FDXACB1: variants seen among roughly 807,000 people sequenced by gnomAD.
The protein encoded by FDXACB1 is ferredoxin-fold anticodon-binding domain-containing protein 1.
FDXACB1 carries 41 observed loss-of-function variants against 51.7 expected under a neutral mutation model. The ratio of observed to expected loss-of-function variants is 0.79; its 90% CI spans 0.62 to 1.03. The LOEUF (loss-of-function observed/expected upper bound fraction) is 1.03. Ranked by LOEUF, FDXACB1 falls within the 50% of genes least tolerant of loss-of-function variation. The pLI is 0.00. For synonymous variants in FDXACB1, 273 were observed against 278.6 expected (o/e 0.98, Z 0.20); for missense variants, 697 against 746.4 (o/e 0.93, Z 0.77).
chr11:111,876,148 T>C (rs1345003811), intron 4 of FDXACB1, 44 bp from the exon 5 acceptor site: 2 of 1,382,468 alleles, frequency 1.4e-6, no homozygotes, highest in Non-Finnish European at 2.0e-6. Context: ...CTTAAGATAG[T>C]AAATAATTAT....
chr11:111,876,160 A>C (rs2137345386), intron 4 of FDXACB1, 56 bp from the exon 5 acceptor site: 1 of 1,326,014 alleles, frequency 7.5e-7, no homozygotes, highest in East Asian at 2.3e-5. Context: ...AATAATTATA[A>C]TGTAGCTAGA....
intron 2 of FDXACB1, among the ~76,000 whole-genome samples, chr11:111,878,086 C>G (rs1964858046): frequency 6.6e-6 from 1 of 152,000 alleles, no homozygotes; most frequent in Non-Finnish European, 1.5e-5. Flanking sequence ...ACTTGGGAGG[C>G]TGAGGCAGGA....
intron 3 of FDXACB1, 70 bp downstream of exon 3, chr11:111,876,738 C>T (rs1964824276): frequency 8.8e-6 from 14 of 1,592,088 alleles, no homozygotes; most frequent in Non-Finnish European, 1.0e-5. Flanking sequence ...TTGAGTCTGT[C>T]TATGAGATTT....
chr11:111,876,588 G>C lies in FDXACB1; in HGVS notation c.585C>G (p.Thr195=). ...HVEGALNHIF[T]RSLPFEGSQP... ...GAGAACCTTCAAAAGGTAAGCTCCT[G>C]GTGAAGATATGGTTCAAAGCACCTT... The change falls in exon 4 of 5, where the codon ACC becomes ACG. Residue 195 remains threonine (T), a synonymous_variant. Transcript: ENST00000260257. The C allele has an allele frequency of 6.2e-7, 1 of 1,613,966 alleles. No homozygotes were observed. The highest frequency in any genetic ancestry group is 1.1e-5 in the South Asian group (1 of 91,076).
intron 4 of FDXACB1, 34 bp downstream of exon 4, chr11:111,876,447 G>T (rs1555162154): frequency 1.2e-6 from 2 of 1,605,312 alleles, no homozygotes; most frequent in African/African-American, 2.7e-5. Context: ...TACAACTGGA[G>T]ATGGAAGTGA....
In FDXACB1 at chr11:111,878,545, C is replaced by A; in HGVS notation, c.329+11G>T. On this transcript the variant is annotated intron_variant, in intron 2 of 4. Coordinates refer to ENST00000260257, the MANE Select transcript of FDXACB1 (RefSeq NM_138378.3). ...TAAACATTTTCCTTGTGAGGGCGCT[C>A]CTTTCCTCACCTTTGGAAAAATTTG... is the stretch of plus-strand genomic sequence containing the variant. The A allele has an allele frequency of 6.3e-7, 1 of 1,575,870 alleles. No homozygotes were observed.
chr11:111,878,679 T>C lies in FDXACB1; in HGVS notation c.206A>G (p.Gln69Arg). The change falls in exon 2 of 5, where the codon CAG becomes CGG. Residue 69 changes from glutamine (Q) to arginine (R), a missense_variant. Physicochemically the swap from Gln to Arg is conservative, Grantham distance 43. This residue lies in a region of FDXACB1 where 153 missense variants were observed against 133.5 expected (regional missense o/e 1.15). Coordinates refer to ENST00000260257, the MANE Select transcript of FDXACB1 (RefSeq NM_138378.3). The part of the protein sequence containing the change: ...IDVRFGVDCT[Q>R]LADVFELHER... ...GTGCAGTTCAAAGACATCTGCCAGC[T>C]GGGTGCAGTCCACACCGAAACGTAC... 2.5e-6 allele frequency: 4 copies of C among 1,612,390 alleles called. No individual in the cohort carries two copies. Among genetic ancestry groups the C allele is most frequent in the Non-Finnish European group, 3.4e-6 (4 of 1,179,192 alleles).
chr11:111,878,649 C>G lies in FDXACB1; in HGVS notation c.236G>C (p.Arg79Thr). ...QLADVFELHE[R>T]EFDQIYFIFP... ...GATGAAATAAATTTGATCAAATTCT[C>G]TCTCGTGCAGTTCAAAGACATCTGC... Residue 79 changes from arginine (R) to threonine (T), a missense_variant, in exon 2 of 5, where the codon AGA becomes ACA. Around this residue, in one of 3 missense-constraint regions of FDXACB1, gnomAD observed 153 missense variants for 133.5 expected, o/e 1.15. Coordinates refer to ENST00000260257, the MANE Select transcript of FDXACB1 (RefSeq NM_138378.3). The G allele has an allele frequency of 1.2e-6, 2 of 1,609,994 alleles. No homozygotes were observed. The highest frequency in any genetic ancestry group is 2.2e-5 in the South Asian group (2 of 90,072).
rs1228382030 is a variant in FDXACB1 at position 111,879,032 on chromosome 11, C to A, written c.101G>T (p.Cys34Phe). 4 of 1,613,612 alleles carry A rather than the reference C, an allele frequency of 2.5e-6. No individual in the cohort carries two copies. The highest frequency in any genetic ancestry group is 1.1e-5 in the South Asian group (1 of 91,056). The change falls in exon 1 of 5, where the codon TGC becomes TTC. Residue 34 changes from cysteine (C) to phenylalanine (F), a missense_variant. Cys to Phe is a radical substitution (Grantham distance 205). Around this residue, in one of 3 missense-constraint regions of FDXACB1, gnomAD observed 153 missense variants for 133.5 expected, o/e 1.15. Transcript: ENST00000260257. ...AGCCAACTCGGCCGGGCGCTGGAGG[C>A]AGGTGGCGGTAAGTTGAGTGCTCTG... ...LDQSTQLTAT[C>F]LQRPAELARD...
chr11:111,878,105 T>G (rs1555162461), intron 2 of FDXACB1, among the ~76,000 whole-genome samples: 10 of 152,134 alleles, frequency 6.6e-5, no homozygotes, highest in Non-Finnish European at 1.5e-5. Flanking sequence ...GAGAATGGCG[T>G]GAACCCAGTA....
At chr11:111,877,227 T>G (rs1433141417) in intron 2 of FDXACB1, among the ~76,000 whole-genome samples, 1 of 152,252 alleles carries the variant, frequency 6.6e-6, no homozygotes, top group Non-Finnish European at 1.5e-5. Context: ...TAAGATTGGC[T>G]GACCAGGGTC....
intron 1 of FDXACB1, 106 bp from the exon 2 acceptor site, chr11:111,878,818 G>A (rs1964880065): frequency 6.0e-6 from 9 of 1,505,954 alleles, no homozygotes; most frequent in Non-Finnish European, 3.6e-6. Flanking sequence ...GCCCAAGTCT[G>A]GGCACAAAGC....
Position 111,879,111 on chromosome 11 carries a change from AC to A in FDXACB1, c.21del (p.Leu8TrpfsTer13). Reference protein sequence around the residue: MAPRRLLLVGEGNFSFA... With the variant: MAPRRLXLVGEGNFSFA... ...AAGGAGAAATTCCCCTCCCCAACCA[AC>A]AGGAGGCGCCGAGGGGCCATGGCCT... On this transcript the variant is annotated frameshift_variant, in exon 1 of 5. Coordinates refer to ENST00000260257, the MANE Select transcript of FDXACB1 (RefSeq NM_138378.3). LOFTEE classifies it high-confidence loss of function. 1 of 1,610,806 alleles carries A rather than the reference AC, an allele frequency of 6.2e-7. No homozygotes were observed. Among genetic ancestry groups the A allele is most frequent in the Non-Finnish European group, 8.5e-7 (1 of 1,178,480 alleles).
Position 111,879,096 on chromosome 11 carries a change from T to G in FDXACB1, c.37A>C (p.Asn13His), listed in dbSNP as rs1405125160. 12 of 1,612,578 alleles carry G rather than the reference T, an allele frequency of 7.4e-6. No individual in the cohort carries two copies. Among genetic ancestry groups the G allele is most frequent in the Non-Finnish European group, 9.3e-6 (11 of 1,179,380 alleles). Residue 13 changes from asparagine (N) to histidine (H), a missense_variant, in exon 1 of 5, where the codon AAT (asparagine) becomes CAT (histidine). Around this residue, in one of 3 missense-constraint regions of FDXACB1, gnomAD observed 153 missense variants for 133.5 expected, o/e 1.15. Transcript: ENST00000260257. Reference sequence around the variant, plus strand: ...CTCAGAGCGGCGGCGAAGGAGAAATTCCCCTCCCCAACCAACAGGAGGCGC... The same window carrying G: ...CTCAGAGCGGCGGCGAAGGAGAAATGCCCCTCCCCAACCAACAGGAGGCGC... ...PRRLLLVGEG[N>H]FSFAAALSET... is the part of the protein sequence containing the mutation.
Position 111,875,118 on chromosome 11 carries a change from C to A in FDXACB1, c.1679G>T (p.Arg560Leu). 6.2e-7 allele frequency: 1 copy of A among 1,613,820 alleles called. No homozygotes were observed. Among genetic ancestry groups the A allele is most frequent in the East Asian group, 2.2e-5 (1 of 44,890 alleles). ...TATAATAGTGTCCTGAGACACTGCT[C>A]GGGCCACAGTGTGAAACTCTAGTTC... ...FDELEFHTVA[R>L]AVSQDTIISI... Residue 560 changes from arginine (R) to leucine (L), a missense_variant, in exon 5 of 5, where the codon CGA becomes CTA. Around this residue, in one of 3 missense-constraint regions of FDXACB1, gnomAD observed 538 missense variants for 592.2 expected, o/e 0.91. Coordinates refer to ENST00000260257, the MANE Select transcript of FDXACB1 (RefSeq NM_138378.3).
At chr11:111,876,214 T>C (rs981762762) in intron 4 of FDXACB1, 110 bp from the exon 5 acceptor site, 1 of 1,059,108 alleles carries the variant, frequency 9.4e-7, no homozygotes, top group East Asian at 2.6e-5. Flanking sequence ...TATCTTTAAA[T>C]TGATCTTGAA....
intron 2 of FDXACB1, among the ~76,000 whole-genome samples, chr11:111,878,218 A>G (rs905962648): frequency 2.0e-5 from 3 of 152,112 alleles, no homozygotes; most frequent in East Asian, 1.9e-4. Context: ...TAAAAATAAA[A>G]AAATAACAAC....
At chr11:111,878,922 G>A (rs1555162610) in intron 1 of FDXACB1, 39 bp downstream of exon 1, 2 of 1,570,414 alleles carry the variant, frequency 1.3e-6, no homozygotes, top group Admixed American at 3.8e-5. Flanking sequence ...GGACGCGCCG[G>A]CCGCTGGGCG....
At position 111,875,854 on chromosome 11, in the gene FDXACB1, G is replaced by T. The variant is rs371239584; in HGVS notation, c.943C>A (p.Leu315Ile). The T allele has an allele frequency of 8.7e-6, 14 of 1,613,730 alleles. No individual in the cohort carries two copies. In the East Asian group the frequency reaches 2.5e-4, roughly 28 times the overall value. The change falls in exon 5 of 5, where the codon CTA becomes ATA. Residue 315 changes from leucine (L) to isoleucine (I), a missense_variant. Leu to Ile is a conservative substitution (Grantham distance 5). Coordinates refer to ENST00000260257, the MANE Select transcript of FDXACB1 (RefSeq NM_138378.3). Reference sequence around the variant, plus strand: ...AGGCTAAGTTCTGAAAATGACACTAGAAAGTCTTCCACATCTTGTGATGTC... The same window carrying T: ...AGGCTAAGTTCTGAAAATGACACTATAAAGTCTTCCACATCTTGTGATGTC... ...GGTSQDVEDF[L>I]VSFSELSLLK...
Sources: gnomAD v4.1 joint callset for allele counts (sites outside exome capture counted in the v4.1 genomes callset) on GRCh38, gnomAD v4.1.1 for gene constraint, gnomAD v4.1.1 regional missense constraint, MANE v1.5 for transcripts, NCBI Gene and HGNC (gene_info 2026-07-23, HGNC 2026-07-21) for gene names.